The following AGO2 variants were observed in gnomAD, a reference collection of about 807,000 sequenced individuals.
AGO2 encodes the protein argonaute RISC catalytic component 2, also known as protein argonaute-2.
AGO2 carries 5 observed loss-of-function variants against 102.3 expected under a neutral mutation model. The ratio of observed to expected loss-of-function variants is 0.05; its 90% CI spans 0.03 to 0.10. AGO2 has a LOEUF of 0.10. Among genes scored for constraint, AGO2 ranks in the 10% least tolerant of loss-of-function variants. The pLI, the probability that AGO2 is intolerant of heterozygous loss-of-function variation, is 1.00. For synonymous variants in AGO2, 449 were observed against 473.1 expected (o/e 0.95, Z 0.66); for missense variants, 541 against 1,183.7 (o/e 0.46, Z 7.97).
intron 11 of AGO2, among the ~76,000 whole-genome samples, chr8:140,549,803 A>T (rs2072965068): frequency 1.3e-5 from 2 of 152,236 alleles, no homozygotes; most frequent in African/African-American, 4.8e-5. Flanking sequence ...TCATCACGAG[A>T]GAAAACAGCA....
intron 1 of AGO2, chr8:140,605,739 G>A (rs771996858): frequency 3.3e-5 from 5 of 152,282 alleles, no homozygotes; most frequent in Non-Finnish European, 7.3e-5. Flanking sequence ...ATGATGACAA[G>A]TGGCTGATGA....
intron 13 of AGO2, 65 bp from the exon 14 acceptor site, chr8:140,544,368 G>A (rs1275111865): frequency 2.1e-5 from 29 of 1,370,796 alleles, no homozygotes; most frequent in Non-Finnish European, 4.0e-6. Flanking sequence ...GCTAGTAGGT[G>A]CCACCATCAC....
In AGO2 at chr8:140,531,910, C is replaced by T. The variant is rs940584066; in HGVS notation, c.*134G>A. The T allele has an allele frequency of 3.8e-5, 30 of 780,524 alleles. No individual in the cohort carries two copies. The highest frequency in any genetic ancestry group is 1.3e-4 in the East Asian group (5 of 38,760). The allele number at this position is 780,524 out of a possible 1,614,324, so 48.3% of individuals were successfully genotyped here. ...CTGGGACGGAAGGCATTCTGGAAAA[C>T]GGAGAATCTAATAAAATCAATGACG... On this transcript the variant is annotated 3_prime_UTR_variant, in exon 19 of 19. Coordinates refer to ENST00000220592, the MANE Select transcript of AGO2 (RefSeq NM_012154.5).
At chr8:140,612,189 C>T (rs2074087333) in intron 1 of AGO2, among the ~76,000 whole-genome samples, 1 of 128,952 alleles carries the variant, frequency 7.8e-6, no homozygotes, top group South Asian at 2.6e-4. Flanking sequence ...TGCCACTGCA[C>T]TCCGGCCTGG....
At chr8:140,574,472 C>T (rs2073434897) in intron 2 of AGO2, among the ~76,000 whole-genome samples, 1 of 152,044 alleles carries the variant, frequency 6.6e-6, no homozygotes, top group Non-Finnish European at 1.5e-5. Flanking sequence ...TTATGTTGCT[C>T]AGGCTGGTCT....
intron 1 of AGO2, among the ~76,000 whole-genome samples, chr8:140,603,964 G>C (rs2073962255): frequency 6.6e-6 from 1 of 152,250 alleles, no homozygotes; most frequent in Non-Finnish European, 1.5e-5. Context: ...CCGGGGATGA[G>C]CTGCCCCTCC....
At chr8:140,602,054 T>C (rs2073941312) in intron 1 of AGO2, among the ~76,000 whole-genome samples, 1 of 152,216 alleles carries the variant, frequency 6.6e-6, no homozygotes, top group African/African-American at 2.4e-5. Flanking sequence ...AGGGCTTGGA[T>C]TCCTCCAAGA....
At chr8:140,555,614 G>A in intron 10 of AGO2, 1 of 346,388 alleles carries the variant, frequency 2.9e-6, no homozygotes, top group East Asian at 5.3e-5. Context: ...TCGACCCTCG[G>A]TGAGTGTCTG....
At chr8:140,586,326 CTACTAAAAA>C (rs2073655239) in intron 1 of AGO2, among the ~76,000 whole-genome samples, 1 of 152,162 alleles carries the variant, frequency 6.6e-6, no homozygotes, top group South Asian at 2.1e-4. Flanking sequence ...AACCCTATCT[CTACTAAAAA>C]TACAAAAATT....
chr8:140,601,923 C>T (rs116424745), intron 1 of AGO2, among the ~76,000 whole-genome samples: 1,752 of 152,316 alleles, frequency 0.012, 28 homozygotes, highest in African/African-American at 0.04. Context: ...TCCTCCTCCA[C>T]GGTCTTTCCC....
At chr8:140,640,613 G>A (rs1463518496), upstream of AGO2, among the ~76,000 whole-genome samples, 3 of 151,948 alleles carry the variant, frequency 2.0e-5, no homozygotes, top group African/African-American at 4.8e-5. Context: ...TCCACCTCCC[G>A]GGTTCAAGCG....
In AGO2 at chr8:140,615,510, C is replaced by T. The variant is rs531058725; in HGVS notation, c.22+19975G>A. Reference sequence around the variant, plus strand: ...AGAGCCCTCTGAAGGGTGGCAGGCTCGTGAGTTCAAAGCCACAGAACCAGC... The same window carrying T: ...AGAGCCCTCTGAAGGGTGGCAGGCTTGTGAGTTCAAAGCCACAGAACCAGC... On this transcript the variant is annotated intron_variant, in intron 1 of 18. Transcript: ENST00000220592. Among the ~76,000 whole-genome samples, 5 of 152,334 alleles carry T rather than the reference C, an allele frequency of 3.3e-5. No homozygotes were observed. In the South Asian group the frequency reaches 8.3e-4, roughly 25 times the overall value.
rs759066763 is a variant in AGO2 at position 140,567,427 on chromosome 8, C to T, written c.337-4793G>A. 1.3e-5 allele frequency among the ~76,000 whole-genome samples: 2 copies of T among 152,240 alleles called. No homozygotes were observed. Among genetic ancestry groups the T allele is most frequent in the Non-Finnish European group, 2.9e-5 (2 of 68,050 alleles). ...CCGCCTCTCAACAGCCCAAAGCGCT[C>T]GGTCCCAATGACATGACATCTGAAG... On this transcript the variant is annotated intron_variant, in intron 3 of 18. Coordinates refer to ENST00000220592, the MANE Select transcript of AGO2 (RefSeq NM_012154.5). This position sits in a 1 kb window ranked among gnomAD's most constrained non-coding sequence, Gnocchi z 5.0.
intron 1 of AGO2, among the ~76,000 whole-genome samples, chr8:140,623,880 TA>T (rs2074244449): frequency 6.6e-6 from 1 of 152,056 alleles, no homozygotes; most frequent in Non-Finnish European, 1.5e-5. Flanking sequence ...ATTTAACTCT[TA>T]AACAAAGAAA....
intron 16 of AGO2, 58 bp from the exon 17 acceptor site, chr8:140,535,627 C>T (rs972797136): frequency 3.4e-5 from 54 of 1,578,488 alleles, no homozygotes; most frequent in Non-Finnish European, 4.2e-5. Context: ...GCCAAGCAGG[C>T]GGGCCAGGCA....
At chr8:140,605,345 C>T (rs964858046) in intron 1 of AGO2, among the ~76,000 whole-genome samples, 3 of 152,204 alleles carry the variant, frequency 2.0e-5, no homozygotes, top group African/African-American at 4.8e-5. Flanking sequence ...AATCTGCCTG[C>T]GTCAGCTTCC....
the AGO2 span, among the ~76,000 whole-genome samples, chr8:140,640,654 G>T: frequency 2.0e-5 from 3 of 152,116 alleles, no homozygotes; most frequent in Non-Finnish European, 2.9e-5. Flanking sequence ...TGAGTAGCTA[G>T]GAGTACTGGC....
At chr8:140,630,833 G>A (rs1478728854) in intron 1 of AGO2, among the ~76,000 whole-genome samples, 2 of 152,162 alleles carry the variant, frequency 1.3e-5, no homozygotes, top group African/African-American at 4.8e-5. Flanking sequence ...GATGCAAAGG[G>A]ACCTGCCCCA....
At chr8:140,559,932 T>C (rs1306414465) in intron 5 of AGO2, among the ~76,000 whole-genome samples, 1 of 152,272 alleles carries the variant, frequency 6.6e-6, no homozygotes, top group Non-Finnish European at 1.5e-5. Flanking sequence ...CTAGAGCTTT[T>C]CATAATAATC....
Sources: allele counts gnomAD v4.1 joint callset (sites outside exome capture counted in the v4.1 genomes callset), GRCh38; gene constraint gnomAD v4.1.1; non-coding constraint Gnocchi (gnomAD v3.1); transcripts MANE v1.5; gene names NCBI Gene and HGNC (gene_info 2026-07-23, HGNC 2026-07-21).